SRGAP3: variants seen among roughly 807,000 people sequenced by gnomAD.
The protein encoded by SRGAP3 is SLIT-ROBO Rho GTPase activating protein 3.
Under a neutral mutation model 121.1 loss-of-function variants are expected in SRGAP3, and 39 were observed. The ratio of observed to expected loss-of-function variants is 0.32; its 90% CI spans 0.25 to 0.42. SRGAP3 has a LOEUF of 0.42. Ranked by LOEUF, SRGAP3 falls within the 10% of genes least tolerant of loss-of-function variation. The probability of loss-of-function intolerance (pLI) is 1.00; values close to 1 mark genes in which losing one functional copy is unlikely to be tolerated. For missense variants in SRGAP3, 1,213 were observed against 1,470.6 expected, an observed-to-expected ratio of 0.82 and a Z score of 2.86; for synonymous variants, 601 against 570.0, an observed-to-expected ratio of 1.05 and a Z score of -0.77.
At chr3:9,096,978 TATAC>T (rs1243646295) in intron 3 of SRGAP3, among the ~76,000 whole-genome samples, 1,280 of 80,872 alleles carry the variant, frequency 0.016, 32 homozygotes, top group Middle Eastern at 0.037. Flanking sequence ...TATATATATA[TATAC>T]ACATACACAC....
At chr3:9,003,140 G>A (rs532652452) in intron 18 of SRGAP3, among the ~76,000 whole-genome samples, 6 of 152,158 alleles carry the variant, frequency 3.9e-5, no homozygotes, top group Non-Finnish European at 8.8e-5. Flanking sequence ...GAAAACTACA[G>A]ACCAGTATTT....
chr3:9,180,462 G>A lies in SRGAP3; in HGVS notation c.68-55545C>T, dbSNP rs796853943. Among the ~76,000 whole-genome samples, 8 of 152,226 alleles carry A rather than the reference G, an allele frequency of 5.3e-5. No homozygotes were observed. In the South Asian group the frequency reaches 6.2e-4, roughly 12 times the overall value. ...TTTTCTTTTGGCTGCAGAAGCAGGCGACCACATCGTGTACCCTCAACCACC... is the reference window on the plus strand; with the variant it reads ...TTTTCTTTTGGCTGCAGAAGCAGGCAACCACATCGTGTACCCTCAACCACC... On this transcript the variant is annotated intron_variant, in intron 1 of 21. Transcript: ENST00000383836.
intron 1 of SRGAP3, among the ~76,000 whole-genome samples, chr3:9,346,900 C>T (rs1297899553): frequency 1.3e-5 from 2 of 151,782 alleles, no homozygotes; most frequent in South Asian, 2.1e-4. Flanking sequence ...GGATTACAGG[C>T]GCCTGCCACC....
chr3:8,993,557 C>T (rs1233816786), intron 19 of SRGAP3, among the ~76,000 whole-genome samples: 1 of 152,222 alleles, frequency 6.6e-6, no homozygotes, highest in African/African-American at 2.4e-5. Context: ...CGGCCTCCTT[C>T]CACGGCCCTC....
At chr3:9,322,560 G>A (rs528847493) in intron 3 of SRGAP3, among the ~76,000 whole-genome samples, 26 of 151,784 alleles carry the variant, frequency 1.7e-4, no homozygotes, top group African/African-American at 4.8e-4. Flanking sequence ...CTGTTGCATC[G>A]GCGTGGCATT....
Position 8,983,927 on chromosome 3 carries a change from G to A in SRGAP3, c.*1592C>T. ...AGAGAGAGGAAGCGTGGGAACAGTA[G>A]GGAAAAGCCCCTGGGTCTCGCAGGA... On this transcript the variant is annotated 3_prime_UTR_variant, in exon 22 of 22. Transcript: ENST00000383836. 4.3e-6 allele frequency: 1 copy of A among 229,936 alleles called. No individual in the cohort carries two copies. The highest frequency in any genetic ancestry group is 8.6e-6 in the Non-Finnish European group (1 of 115,968). The allele number at this position is 229,936 out of a possible 1,614,324, so 14.2% of individuals were successfully genotyped here.
chr3:9,320,481 C>G (rs1955421288), intron 3 of SRGAP3, among the ~76,000 whole-genome samples: 1 of 151,616 alleles, frequency 6.6e-6, no homozygotes, highest in Non-Finnish European at 1.5e-5. Context: ...GTGTGCAGCA[C>G]CTCCCCCACC....
chr3:9,107,994 T>C (rs112552031), intron 2 of SRGAP3, among the ~76,000 whole-genome samples: 2,741 of 152,142 alleles, frequency 0.018, 85 homozygotes, highest in African/African-American at 0.06. Flanking sequence ...GAATTGTGGG[T>C]AGAAGGACCA....
intron 1 of SRGAP3, among the ~76,000 whole-genome samples, chr3:9,222,031 C>T (rs1952831776): frequency 1.3e-5 from 2 of 152,348 alleles, no homozygotes; most frequent in South Asian, 4.1e-4. Flanking sequence ...GGAGTAGGGT[C>T]TGGCTGACCT....
intron 14 of SRGAP3, among the ~76,000 whole-genome samples, chr3:9,021,314 C>A (rs1045294193): frequency 6.6e-6 from 1 of 152,236 alleles, no homozygotes; most frequent in Non-Finnish European, 1.5e-5. Flanking sequence ...GCACTCCCAT[C>A]TGTGCATACA....
intron 1 of SRGAP3, among the ~76,000 whole-genome samples, chr3:9,223,990 T>C (rs1443272807): frequency 6.6e-6 from 1 of 152,148 alleles, no homozygotes; most frequent in African/African-American, 2.4e-5. Flanking sequence ...TCCAGATAGA[T>C]CATTTCCTTG....
At chr3:9,312,004 A>G (rs1031712082) in intron 3 of SRGAP3, among the ~76,000 whole-genome samples, 2 of 152,250 alleles carry the variant, frequency 1.3e-5, no homozygotes, top group African/African-American at 2.4e-5. Flanking sequence ...CTAGTAAATG[A>G]AAGTTGAGCA....
At chr3:9,151,056 A>C (rs1950192976) in intron 1 of SRGAP3, among the ~76,000 whole-genome samples, 2 of 152,298 alleles carry the variant, frequency 1.3e-5, no homozygotes, top group East Asian at 1.9e-4. Flanking sequence ...ATTTCCACTT[A>C]GATTATGTCT....
At chr3:9,063,692 G>A (rs1470231278) in intron 5 of SRGAP3, among the ~76,000 whole-genome samples, 1 of 152,124 alleles carries the variant, frequency 6.6e-6, no homozygotes, top group Non-Finnish European at 1.5e-5. Flanking sequence ...TCTCAGCCCA[G>A]TGCTCTGGGC....
chr3:9,118,882 C>G (rs147213260), intron 2 of SRGAP3, among the ~76,000 whole-genome samples: 4 of 152,202 alleles, frequency 2.6e-5, no homozygotes, highest in African/African-American at 9.7e-5. Flanking sequence ...TGACACTTCA[C>G]CCAGATGGCC....
intron 1 of SRGAP3, among the ~76,000 whole-genome samples, chr3:9,334,306 G>A (rs752237128): frequency 2.6e-5 from 4 of 152,126 alleles, no homozygotes; most frequent in Non-Finnish European, 4.4e-5. Flanking sequence ...CAGGTCCTGT[G>A]CTAGAGAGAT....
chr3:9,123,732 A>ATGTATATATGTGTGTGTG (rs1553670655), intron 2 of SRGAP3, among the ~76,000 whole-genome samples: 1 of 139,074 alleles, frequency 7.2e-6, no homozygotes, highest in Non-Finnish European at 1.5e-5. Context: ...ATATGTATAT[A>ATGTATATATGTGTGTGTG]TGTGTGTGTG....
At chr3:9,217,986 A>T (rs1952689701) in intron 1 of SRGAP3, 1 of 152,236 alleles carries the variant, frequency 6.6e-6, no homozygotes, top group African/African-American at 2.4e-5. Context: ...TTACAAACAC[A>T]GGGAAAAAGC....
At chr3:9,282,890 G>A (rs1192856656) in intron 3 of SRGAP3, among the ~76,000 whole-genome samples, 1 of 152,100 alleles carries the variant, frequency 6.6e-6, no homozygotes, top group South Asian at 2.1e-4. Context: ...AGATAATTGT[G>A]AATTTTCTAC....
Sources: gnomAD v4.1 joint callset for allele counts (sites outside exome capture counted in the v4.1 genomes callset) on GRCh38, gnomAD v4.1.1 for gene constraint, MANE v1.5 for transcripts, NCBI Gene and HGNC (gene_info 2026-07-23, HGNC 2026-07-21) for gene names.